MYO1E: variants seen among roughly 807,000 people sequenced by gnomAD.
MYO1E encodes myosin IE.
Under a neutral mutation model 151.1 loss-of-function variants are expected in MYO1E, and 68 were observed. The ratio of observed to expected loss-of-function variants is 0.45; its 90% CI spans 0.37 to 0.55. MYO1E has a LOEUF of 0.55. MYO1E is among the 20% of genes least tolerant of loss of function. MYO1E has a pLI of 0.00. For synonymous variants in MYO1E, 601 were observed against 501.7 expected (o/e 1.20, Z -2.64); for missense variants, 1,363 against 1,389.3 (o/e 0.98, Z 0.30).
chr15:59,171,777 T>C lies in MYO1E; in HGVS notation c.2480+120A>G, dbSNP rs2079596129. 22 of 1,292,218 alleles carry C rather than the reference T, an allele frequency of 1.7e-5. No individual in the cohort carries two copies. In the South Asian group the frequency reaches 2.1e-4, roughly 12 times the overall value. The allele number at this position is 1,292,218 out of a possible 1,614,324, so 80.0% of individuals were successfully genotyped here. Reference sequence around the variant, plus strand: ...TGGGACAAAGGGAAATTCCATTCTCTTGATCATGATTTTGACAGCTGGGAA... The same window carrying C: ...TGGGACAAAGGGAAATTCCATTCTCCTGATCATGATTTTGACAGCTGGGAA... On this transcript the variant is annotated intron_variant, in intron 22 of 27. Coordinates refer to ENST00000288235, the MANE Select transcript of MYO1E (RefSeq NM_004998.4).
At chr15:59,365,901 G>C (rs1159944377) in intron 1 of MYO1E, among the ~76,000 whole-genome samples, 1 of 152,172 alleles carries the variant, frequency 6.6e-6, no homozygotes, top group Non-Finnish European at 1.5e-5. Flanking sequence ...AAAGTCTGGT[G>C]AGTAATAGGA....
chr15:59,185,784 G>C (rs567271174), intron 18 of MYO1E, among the ~76,000 whole-genome samples: 28 of 152,256 alleles, frequency 1.8e-4, no homozygotes, highest in African/African-American at 6.3e-4. Context: ...GCCCTGTAGG[G>C]GGAACATTAG....
chr15:59,283,109 G>A (rs2080367353), intron 1 of MYO1E, among the ~76,000 whole-genome samples: 1 of 151,006 alleles, frequency 6.6e-6, no homozygotes, highest in African/African-American at 2.4e-5. Flanking sequence ...TCAGAGGACA[G>A]TGGCTGCCTT....
chr15:59,179,220 C>T (rs868860332), intron 18 of MYO1E, among the ~76,000 whole-genome samples: 11 of 152,182 alleles, frequency 7.2e-5, no homozygotes, highest in Non-Finnish European at 1.6e-4. Context: ...GGGTGTCTCA[C>T]CTTCAGTGAC....
chr15:59,206,760 A>G, intron 14 of MYO1E: 1 of 612,530 alleles, frequency 1.6e-6, no homozygotes, highest in Non-Finnish European at 2.9e-6. Flanking sequence ...CTGAGCACCC[A>G]CGGAAAGCAC....
intron 1 of MYO1E, among the ~76,000 whole-genome samples, chr15:59,357,032 A>G (rs528116442): frequency 6.6e-6 from 1 of 151,970 alleles, no homozygotes; most frequent in African/African-American, 2.4e-5. Context: ...CAGCCTCTCA[A>G]GTAGCTGGGA....
At chr15:59,300,376 T>C (rs1470015575) in intron 1 of MYO1E, among the ~76,000 whole-genome samples, 5 of 152,136 alleles carry the variant, frequency 3.3e-5, no homozygotes, top group African/African-American at 1.2e-4. Flanking sequence ...CGGCCATTTC[T>C]GGTGTGCACA....
chr15:59,179,944 T>C (rs2079648588), intron 18 of MYO1E, among the ~76,000 whole-genome samples: 1 of 152,236 alleles, frequency 6.6e-6, no homozygotes, highest in Admixed American at 6.5e-5. Context: ...CCCCCAGGCC[T>C]TGAGCGAAGC....
chr15:59,341,825 A>C (rs1006796371), intron 1 of MYO1E, among the ~76,000 whole-genome samples: 1 of 152,188 alleles, frequency 6.6e-6, no homozygotes, highest in African/African-American at 2.4e-5. Flanking sequence ...TAGGATAAAC[A>C]TGGGAGTGCA....
chr15:59,344,047 A>T (rs1217438762), intron 1 of MYO1E, among the ~76,000 whole-genome samples: 3 of 152,174 alleles, frequency 2.0e-5, no homozygotes, highest in African/African-American at 7.2e-5. Context: ...ATGTTTTCCC[A>T]GATGGTTTTG....
In MYO1E at chr15:59,138,717, C is replaced by A. The variant is rs576028615; in HGVS notation, c.3081-350G>T. Among the ~76,000 whole-genome samples, 9 of 152,106 alleles carry A rather than the reference C, an allele frequency of 5.9e-5. No homozygotes were observed. In the East Asian group the frequency reaches 9.6e-4, roughly 16 times the overall value. On this transcript the variant is annotated intron_variant, in intron 26 of 27. Coordinates refer to ENST00000288235, the MANE Select transcript of MYO1E (RefSeq NM_004998.4). ...TATCTGTCCCTCCTTCCTCAAGTTT[C>A]GAAATGGAACTTTTGCAGGTGCCAC...
At position 59,261,469 on chromosome 15, in the gene MYO1E, T is replaced by C; in HGVS notation, c.188A>G (p.Lys63Arg). 1 of 1,611,186 alleles carries C rather than the reference T, an allele frequency of 6.2e-7. No individual in the cohort carries two copies. Among genetic ancestry groups the C allele is most frequent in the African/African-American group, 1.3e-5 (1 of 74,942 alleles). The change falls in exon 3 of 28, where the codon AAG (lysine) becomes AGG (arginine). Residue 63 changes from lysine (K) to arginine (R), a missense_variant. Physicochemically the swap from Lys to Arg is conservative, Grantham distance 26. Coordinates refer to ENST00000288235, the MANE Select transcript of MYO1E (RefSeq NM_004998.4). The part of the protein sequence containing the change: ...GSVLISVNPF[K>R]QMPYFGEKEI... ...CTTTTCCCCAAAATATGGCATCTGC[T>C]TGAAAGGGTTGACTGAGATTAATAC...
intron 9 of MYO1E, among the ~76,000 whole-genome samples, chr15:59,220,809 G>C (rs1319709673): frequency 1.3e-5 from 2 of 150,914 alleles, no homozygotes; most frequent in African/African-American, 4.9e-5. Context: ...AAAAAGGACA[G>C]CCAGGTGCAG....
chr15:59,282,684 C>T (rs1378678277), intron 1 of MYO1E, among the ~76,000 whole-genome samples: 1 of 150,320 alleles, frequency 6.7e-6, no homozygotes, highest in Non-Finnish European at 1.5e-5. Context: ...CATCTCTACA[C>T]AAAATCAAAA....
intron 1 of MYO1E, among the ~76,000 whole-genome samples, chr15:59,311,499 C>G (rs1448674685): frequency 4.6e-5 from 7 of 152,092 alleles, no homozygotes; most frequent in Admixed American, 3.9e-4. Context: ...GTTGGGGACC[C>G]CTGCTCTAGA....
At chr15:59,183,554 G>C (rs1245428254) in intron 18 of MYO1E, among the ~76,000 whole-genome samples, 1 of 152,046 alleles carries the variant, frequency 6.6e-6, no homozygotes, top group African/African-American at 2.4e-5. Context: ...TTTATGGGTT[G>C]CATGAGATTT....
At chr15:59,287,708 A>C (rs2080395175) in intron 1 of MYO1E, among the ~76,000 whole-genome samples, 1 of 152,184 alleles carries the variant, frequency 6.6e-6, no homozygotes, top group Non-Finnish European at 1.5e-5. Flanking sequence ...CCCACATGCC[A>C]AAGACATGCA....
chr15:59,150,483 C>T (rs1398208672), intron 26 of MYO1E, among the ~76,000 whole-genome samples: 1 of 152,198 alleles, frequency 6.6e-6, no homozygotes, highest in Non-Finnish European at 1.5e-5. Flanking sequence ...GATGGTTTTG[C>T]TTGCCAAAAC....
At chr15:59,213,729 A>G (rs1217747768) in intron 12 of MYO1E, among the ~76,000 whole-genome samples, 19 of 151,872 alleles carry the variant, frequency 1.3e-4, no homozygotes, top group Middle Eastern at 6.8e-3. Context: ...CCAAAGTGCT[A>G]GGATTACAGG....
Sources: allele counts gnomAD v4.1 joint callset (sites outside exome capture counted in the v4.1 genomes callset), GRCh38; gene constraint gnomAD v4.1.1; transcripts MANE v1.5; gene names NCBI Gene and HGNC (gene_info 2026-07-23, HGNC 2026-07-21).